The following SORCS3 variants were observed in gnomAD, a reference collection of about 807,000 sequenced individuals.
SORCS3 encodes sortilin related VPS10 domain containing receptor 3.
In SORCS3, 57 loss-of-function variants were observed where a neutral mutation model predicts 146.3. The ratio of observed to expected loss-of-function variants is 0.39; its 90% CI spans 0.31 to 0.49. The LOEUF (loss-of-function observed/expected upper bound fraction) is 0.49. Ranked by LOEUF, SORCS3 falls within the 20% of genes least tolerant of loss-of-function variation. The pLI is 0.92. For missense variants in SORCS3, 1,341 were observed against 1,575.5 expected, an observed-to-expected ratio of 0.85 and a Z score of 2.52; for synonymous variants, 653 against 618.5, an observed-to-expected ratio of 1.06 and a Z score of -0.83.
chr10:104,900,494 C>T (rs945964532), intron 2 of SORCS3, among the ~76,000 whole-genome samples: 2 of 152,190 alleles, frequency 1.3e-5, no homozygotes, highest in Non-Finnish European at 2.9e-5. Context: ...ATATTCCTAT[C>T]TCATTTCTTG....
chr10:104,849,559 C>T (rs925552507), intron 2 of SORCS3, among the ~76,000 whole-genome samples: 1 of 152,120 alleles, frequency 6.6e-6, no homozygotes, highest in East Asian at 1.9e-4. Flanking sequence ...GATGTGAACC[C>T]GAGCTCTATT....
chr10:104,807,649 T>C (rs1056905233), intron 1 of SORCS3, among the ~76,000 whole-genome samples: 2 of 152,168 alleles, frequency 1.3e-5, no homozygotes, highest in African/African-American at 4.8e-5. Context: ...ACCTCTTTTC[T>C]CTTTATTTTT....
chr10:105,242,542 T>TTATATACATTTATATATATTTA (rs1564793598), intron 20 of SORCS3, among the ~76,000 whole-genome samples: 4 of 97,902 alleles, frequency 4.1e-5, no homozygotes, highest in Admixed American at 1.6e-4. Context: ...TTATATATAT[T>TTATATACATTTATATATATTTA]TATATATTTA....
At chr10:105,045,201 C>T (rs887453668) in intron 5 of SORCS3, among the ~76,000 whole-genome samples, 1 of 152,012 alleles carries the variant, frequency 6.6e-6, no homozygotes, top group Non-Finnish European at 1.5e-5. Context: ...AAATTAAGTG[C>T]CTAAGAAGCA....
At chr10:104,954,445 G>A (rs1033409730) in intron 3 of SORCS3, among the ~76,000 whole-genome samples, 1 of 152,202 alleles carries the variant, frequency 6.6e-6, no homozygotes, top group African/African-American at 2.4e-5. Context: ...TCATAAAGCT[G>A]TGTATAGTAA....
At chr10:104,791,627 C>T (rs1420415376) in intron 1 of SORCS3, among the ~76,000 whole-genome samples, 1 of 152,178 alleles carries the variant, frequency 6.6e-6, no homozygotes, top group Non-Finnish European at 1.5e-5. Context: ...TCAAGTGAAG[C>T]TCAGGCTCTG....
At chr10:104,671,276 G>T (rs191320046) in intron 1 of SORCS3, among the ~76,000 whole-genome samples, 2,534 of 89,698 alleles carry the variant, frequency 0.028, 80 homozygotes, top group African/African-American at 0.092. Context: ...TTAACTGTGT[G>T]TTTTTTTTTA....
At chr10:105,142,003 G>T (rs1441324346) in intron 8 of SORCS3, among the ~76,000 whole-genome samples, 1 of 152,186 alleles carries the variant, frequency 6.6e-6, no homozygotes, top group Non-Finnish European at 1.5e-5. Flanking sequence ...TGGTCTGGGG[G>T]TAATAATACT....
intron 1 of SORCS3, among the ~76,000 whole-genome samples, chr10:104,696,353 T>TATACACATATAATATA (rs1225186661): frequency 0.015 from 4 of 262 alleles, 1 homozygote; most frequent in African/African-American, 0.021. Context: ...ATATATATCA[T>TATACACATATAATATA]ATATATATCA....
At chr10:105,251,177 T>C (rs1308744826) in intron 22 of SORCS3, among the ~76,000 whole-genome samples, 1 of 152,104 alleles carries the variant, frequency 6.6e-6, no homozygotes, top group Non-Finnish European at 1.5e-5. Context: ...TGGGGAGGCC[T>C]CAGGAAACTT....
chr10:104,710,525 C>T (rs546555709), intron 1 of SORCS3, among the ~76,000 whole-genome samples: 176 of 152,300 alleles, frequency 1.2e-3, no homozygotes, highest in African/African-American at 3.1e-3. Flanking sequence ...CAACATAATA[C>T]ATACAGAATA....
chr10:104,799,524 T>C (rs2017599093), intron 1 of SORCS3, among the ~76,000 whole-genome samples: 1 of 150,666 alleles, frequency 6.6e-6, no homozygotes, highest in Non-Finnish European at 1.5e-5. Flanking sequence ...GAGGGGAACA[T>C]CACACACCAG....
At chr10:104,914,018 C>T (rs1000117167) in intron 2 of SORCS3, among the ~76,000 whole-genome samples, 3 of 152,100 alleles carry the variant, frequency 2.0e-5, no homozygotes, top group African/African-American at 4.8e-5. Context: ...ATCCACCCAC[C>T]TCGGCCTCCC....
At chr10:105,026,067 C>T (rs894838733) in intron 4 of SORCS3, among the ~76,000 whole-genome samples, 9 of 152,090 alleles carry the variant, frequency 5.9e-5, no homozygotes, top group African/African-American at 1.4e-4. Flanking sequence ...AAAAATATCC[C>T]GGATGCGATC....
At chr10:104,777,682 AG>A (rs1178766545) in intron 1 of SORCS3, among the ~76,000 whole-genome samples, 2 of 152,124 alleles carry the variant, frequency 1.3e-5, no homozygotes, top group African/African-American at 4.8e-5. Context: ...CTCACAACAA[AG>A]TTATCAGCCC....
At chr10:105,250,361 C>T (rs1325673392) in intron 22 of SORCS3, among the ~76,000 whole-genome samples, 2 of 152,040 alleles carry the variant, frequency 1.3e-5, no homozygotes, top group Admixed American at 6.6e-5. Flanking sequence ...TGTATGGTTA[C>T]GTTCATTAAA....
At chr10:105,135,492 G>T (rs565548604) in intron 7 of SORCS3, among the ~76,000 whole-genome samples, 2 of 152,248 alleles carry the variant, frequency 1.3e-5, no homozygotes, top group Admixed American at 6.5e-5. Context: ...TGGTCCCTTG[G>T]CCACACCCTT....
intron 6 of SORCS3, among the ~76,000 whole-genome samples, chr10:105,094,171 A>AGG (rs2055729776): frequency 8.5e-5 from 13 of 152,194 alleles, no homozygotes; most frequent in Non-Finnish European, 1.6e-4. Flanking sequence ...CAAACTATAT[A>AGG]GATAGAGAAT....
chr10:105,240,821 A>G (rs936881183), intron 20 of SORCS3, among the ~76,000 whole-genome samples: 4 of 151,854 alleles, frequency 2.6e-5, no homozygotes, highest in Non-Finnish European at 4.4e-5. Context: ...TTCTCAGTCA[A>G]TCTCCAGTCC....
Sources: allele counts gnomAD v4.1 joint callset (sites outside exome capture counted in the v4.1 genomes callset), GRCh38; gene constraint gnomAD v4.1.1; transcripts MANE v1.5; gene names NCBI Gene and HGNC (gene_info 2026-07-23, HGNC 2026-07-21).